PHF2: variants seen among roughly 807,000 people sequenced by gnomAD.
The protein encoded by PHF2 is lysine-specific demethylase PHF2.
PHF2 carries 27 observed loss-of-function variants against 120.5 expected under a neutral mutation model. The observed-to-expected ratio is 0.22, with a 90% CI of 0.17 to 0.31. PHF2 has a LOEUF of 0.31. Among genes scored for constraint, PHF2 ranks in the 10% least tolerant of loss-of-function variants. The probability of loss-of-function intolerance (pLI) is 1.00; values close to 1 mark genes in which losing one functional copy is unlikely to be tolerated. For missense variants in PHF2, 1,024 were observed against 1,434.8 expected, an observed-to-expected ratio of 0.71 and a Z score of 4.63; for synonymous variants, 568 against 592.5, an observed-to-expected ratio of 0.96 and a Z score of 0.60.
chr9:93,638,720 G>A (rs938019860), intron 3 of PHF2, among the ~76,000 whole-genome samples: 7 of 152,064 alleles, frequency 4.6e-5, no homozygotes, highest in African/African-American at 1.7e-4. Flanking sequence ...TTCCAAGTTT[G>A]TTCTTTTCTT....
intron 1 of PHF2, among the ~76,000 whole-genome samples, chr9:93,618,685 A>G (rs1825766751): frequency 6.6e-6 from 1 of 152,164 alleles, no homozygotes; most frequent in South Asian, 2.1e-4. Context: ...TAAAAATTGT[A>G]ATATTAATAG....
chr9:93,673,505 C>T (rs941879222), intron 17 of PHF2, 80 bp from the exon 18 acceptor site: 3 of 1,305,262 alleles, frequency 2.3e-6, no homozygotes, highest in Non-Finnish European at 3.1e-6. Context: ...GGAGTTTGTG[C>T]AGGCCATAGG....
intron 1 of PHF2, among the ~76,000 whole-genome samples, chr9:93,589,878 G>A (rs939046432): frequency 1.3e-5 from 2 of 152,130 alleles, no homozygotes; most frequent in African/African-American, 4.8e-5. Context: ...CGCTGTGAAT[G>A]TGATTCTGCA....
chr9:93,671,313 G>A (rs1396123340), intron 17 of PHF2: 1 of 572,664 alleles, frequency 1.7e-6, no homozygotes. Flanking sequence ...TGGGAGTAGG[G>A]TCAGGTGTAG....
chr9:93,621,657 G>T (rs760064778), intron 1 of PHF2, among the ~76,000 whole-genome samples: 20 of 152,192 alleles, frequency 1.3e-4, no homozygotes, highest in Non-Finnish European at 2.9e-4. Context: ...CCTGACCTTT[G>T]TGCCTCTGAG....
chr9:93,614,639 A>G (rs1275148289), intron 1 of PHF2, among the ~76,000 whole-genome samples: 2 of 152,240 alleles, frequency 1.3e-5, no homozygotes, highest in African/African-American at 4.8e-5. Context: ...ACACTTGGGA[A>G]GAGAAATGAA....
At chr9:93,578,587 CG>C (rs1435835230) in intron 1 of PHF2, among the ~76,000 whole-genome samples, 4 of 152,146 alleles carry the variant, frequency 2.6e-5, no homozygotes, top group African/African-American at 4.8e-5. Flanking sequence ...TGCCCACACT[CG>C]GGGCCCAGAG....
rs755186552 is a variant in PHF2 at position 93,667,127 on chromosome 9, C to T, written c.2235C>T (p.Thr745=). The part of the protein sequence containing the change: ...DEGSLHIDTD[T]KPGRNARVKK... ...GTTCGCTGCACATCGACACAGACACCAAGCCCGGCCGCAATGCCAGAGTCA... is the reference window on the plus strand; with the variant it reads ...GTTCGCTGCACATCGACACAGACACTAAGCCCGGCCGCAATGCCAGAGTCA... The change falls in exon 17 of 22, where the codon ACC becomes ACT. Residue 745 remains threonine, a synonymous_variant. Transcript: ENST00000359246. 4 of 1,613,310 alleles carry T rather than the reference C, an allele frequency of 2.5e-6. No individual in the cohort carries two copies. Among genetic ancestry groups the T allele is most frequent in the Non-Finnish European group, 3.4e-6 (4 of 1,180,004 alleles).
chr9:93,650,886 G>A (rs1308332852), intron 5 of PHF2, among the ~76,000 whole-genome samples: 2 of 152,120 alleles, frequency 1.3e-5, no homozygotes, highest in Non-Finnish European at 2.9e-5. Context: ...ACGTGCAAAG[G>A]GGCAGGTAGG....
intron 1 of PHF2, among the ~76,000 whole-genome samples, chr9:93,590,915 G>A (rs1447870902): frequency 1.3e-5 from 2 of 152,232 alleles, no homozygotes; most frequent in African/African-American, 2.4e-5. Context: ...TTTATGATTT[G>A]TGTTCCTTTG....
chr9:93,662,357 GAATGGATGAGTGGATGGGGAGATGGATA>G (rs1272159991), intron 12 of PHF2, among the ~76,000 whole-genome samples: 1 of 151,736 alleles, frequency 6.6e-6, no homozygotes, highest in East Asian at 1.9e-4. Flanking sequence ...ATGGATGGAT[GAATGGATGAGTGGATGGGGAGATGGATA>G]AATGGATGAG....
At chr9:93,580,065 C>G (rs111494831) in intron 1 of PHF2, among the ~76,000 whole-genome samples, 2,736 of 152,254 alleles carry the variant, frequency 0.018, 71 homozygotes, top group African/African-American at 0.062. Context: ...GAGTAGAGGT[C>G]GGGGAAACAG....
intron 1 of PHF2, among the ~76,000 whole-genome samples, chr9:93,591,080 G>C (rs1044100316): frequency 5.3e-5 from 8 of 152,122 alleles, no homozygotes; most frequent in Non-Finnish European, 1.2e-4. Context: ...GCAGACATGT[G>C]GTGGGTGAGG....
At chr9:93,618,850 C>CTGTGTGGTGGGTGTGTCTGTGTCTGCA in intron 1 of PHF2, among the ~76,000 whole-genome samples, 1 of 1,300 alleles carries the variant, frequency 7.7e-4, no homozygotes, top group Admixed American at 8.1e-3. Context: ...GTGTGTGTGC[C>CTGTGTGGTGGGTGTGTCTGTGTCTGCA]TGTGTGTGGT....
chr9:93,651,861 G>A (rs1029927606), intron 5 of PHF2, among the ~76,000 whole-genome samples: 1 of 152,204 alleles, frequency 6.6e-6, no homozygotes, highest in Non-Finnish European at 1.5e-5. Flanking sequence ...CCCCTGTGGT[G>A]TGTGGTGTTT....
chr9:93,611,148 C>G (rs894025241), intron 1 of PHF2, among the ~76,000 whole-genome samples: 1 of 152,114 alleles, frequency 6.6e-6, no homozygotes, highest in African/African-American at 2.4e-5. Flanking sequence ...GGTGCGGTGG[C>G]TCAACGCCTG....
intron 1 of PHF2, among the ~76,000 whole-genome samples, chr9:93,602,105 T>G (rs1013359914): frequency 2.0e-5 from 3 of 152,136 alleles, no homozygotes; most frequent in Non-Finnish European, 4.4e-5. Flanking sequence ...CAGCCTGGGT[T>G]GTTTCTTCAG....
rs1313240712 is a variant in PHF2, at chr9:93,676,863, G to C, written c.3102G>C (p.Gly1034=). 3.8e-6 allele frequency: 6 copies of C among 1,568,840 alleles called. No individual in the cohort carries two copies. The South Asian group carries it at 7.0e-5, about 18-fold the overall frequency. ...HEYTAAGTFT[G]AQAGRTSQPM... ...ACACAGCCGCTGGCACCTTCACCGGGGCCCAGGCTGGCCGCACCTCCCAGC... is the reference window on the plus strand; with the variant it reads ...ACACAGCCGCTGGCACCTTCACCGGCGCCCAGGCTGGCCGCACCTCCCAGC... The change falls in exon 21 of 22, where the codon GGG becomes GGC. Residue 1034 remains glycine (G), a synonymous_variant. Transcript: ENST00000359246.
At chr9:93,670,424 A>G (rs1015511568) in intron 17 of PHF2, among the ~76,000 whole-genome samples, 1 of 152,206 alleles carries the variant, frequency 6.6e-6, no homozygotes, top group African/African-American at 2.4e-5. Context: ...CTGGCTACAT[A>G]CAGCATCTGG....
Sources: allele counts gnomAD v4.1 joint callset (sites outside exome capture counted in the v4.1 genomes callset), GRCh38; gene constraint gnomAD v4.1.1; transcripts MANE v1.5; gene names NCBI Gene and HGNC (gene_info 2026-07-23, HGNC 2026-07-21).